Variants in ADGRB3 observed in about 807,000 individuals in gnomAD.
ADGRB3 encodes the protein brain-specific angiogenesis inhibitor 3.
Under a neutral mutation model 193.4 loss-of-function variants are expected in ADGRB3, and 37 were observed. The observed-to-expected ratio is 0.19, with a 90% CI of 0.15 to 0.25. The LOEUF is 0.25. ADGRB3 is among the 10% of genes least tolerant of loss of function. The pLI, the probability that ADGRB3 is intolerant of heterozygous loss-of-function variation, is 1.00. For missense variants in ADGRB3, 1,637 were observed against 1,852.9 expected (o/e 0.88, Z 2.14); for synonymous variants, 690 against 644.2 (o/e 1.07, Z -1.08).
chr6:68,676,070 G>A (rs1769078608), intron 3 of ADGRB3, among the ~76,000 whole-genome samples: 1 of 152,126 alleles, frequency 6.6e-6, no homozygotes, highest in Admixed American at 6.5e-5. Context: ...TACACAAAGT[G>A]CTTCAACTTA....
intron 3 of ADGRB3, among the ~76,000 whole-genome samples, chr6:68,793,052 TC>T (rs1767140512): frequency 6.6e-6 from 1 of 152,216 alleles, no homozygotes; most frequent in African/African-American, 2.4e-5. Flanking sequence ...TTTTTCATTT[TC>T]TTTATGTCAG....
intron 3 of ADGRB3, among the ~76,000 whole-genome samples, chr6:68,903,214 G>A (rs987732144): frequency 6.6e-6 from 1 of 152,086 alleles, no homozygotes; most frequent in African/African-American, 2.4e-5. Context: ...AACAGTCAAT[G>A]ACGGGACAAA....
intron 3 of ADGRB3, among the ~76,000 whole-genome samples, chr6:68,802,438 T>A (rs1369937155): frequency 6.6e-6 from 1 of 152,188 alleles, no homozygotes; most frequent in Non-Finnish European, 1.5e-5. Context: ...GTTTATTCAC[T>A]GGTGTGATGT....
rs1000420402 is a variant in ADGRB3 at position 69,011,815 on chromosome 6, T to G, written c.1930-2223T>G. Among the ~76,000 whole-genome samples the G allele has an allele frequency of 2.6e-5, 4 of 152,002 alleles. No individual in the cohort carries two copies. In the South Asian group the frequency reaches 8.3e-4, roughly 31 times the overall value. On this transcript the variant is annotated intron_variant, in intron 11 of 31. Transcript: ENST00000370598. ...TCACCATAAATGCTGCCCCACTGCT[T>G]GAGACATTCAGACTTAGCTCACTGT...
intron 12 of ADGRB3, among the ~76,000 whole-genome samples, chr6:69,017,922 A>G (rs993408047): frequency 2.0e-5 from 3 of 151,970 alleles, no homozygotes; most frequent in Non-Finnish European, 4.4e-5. Flanking sequence ...TTATTAAACA[A>G]TAAATGTTTC....
intron 21 of ADGRB3, among the ~76,000 whole-genome samples, chr6:69,325,988 G>T (rs1768559209): frequency 1.3e-5 from 2 of 151,700 alleles, no homozygotes; most frequent in African/African-American, 4.9e-5. Flanking sequence ...TGGACTACCT[G>T]AGCGTGGGTG....
chr6:69,328,221 G>A (rs1411215144), intron 22 of ADGRB3, among the ~76,000 whole-genome samples: 1 of 152,092 alleles, frequency 6.6e-6, no homozygotes, highest in African/African-American at 2.4e-5. Flanking sequence ...AGAACGTGGT[G>A]CTGCTATGAG....
chr6:68,778,804 C>T (rs552810118), intron 3 of ADGRB3, among the ~76,000 whole-genome samples: 2 of 152,142 alleles, frequency 1.3e-5, no homozygotes, highest in East Asian at 3.9e-4. Context: ...GCAGGATTGC[C>T]ATCTGGTGGA....
At position 69,173,521 on chromosome 6, in the gene ADGRB3, G is replaced by A. The variant is rs1350498520; in HGVS notation, c.2481-59769G>A. ...GAAAATTATTTGCAGTAGTCTAAAT[G>A]AGAAAGAATGGTAACTTGGAGTAAG... On this transcript the variant is annotated intron_variant, in intron 17 of 31. Coordinates refer to ENST00000370598, the MANE Select transcript of ADGRB3 (RefSeq NM_001704.3). Among the ~76,000 whole-genome samples the A allele has an allele frequency of 2.6e-5, 4 of 152,318 alleles. No homozygotes were observed. The East Asian group carries it at 7.7e-4, about 29-fold the overall frequency.
At position 69,030,896 on chromosome 6, in the gene ADGRB3, C is replaced by T. The variant is rs367653740; in HGVS notation, c.2107+12397C>T. 5.6e-5 allele frequency among the ~76,000 whole-genome samples: 8 copies of T among 143,604 alleles called. No individual in the cohort carries two copies. In the East Asian group the frequency reaches 5.8e-4, roughly 10 times the overall value. 94.2% of individuals were successfully genotyped at this position (143,604 alleles called of 152,430 possible). A position where few individuals can be genotyped will look rare whatever the true frequency, so the allele number is the denominator to read the frequency against. Reference sequence around the variant, plus strand: ...CTCTCAAGAATTCTAGAGTTTCTTACGAGTTAACACGTAGACTTAGCCACA... The same window carrying T: ...CTCTCAAGAATTCTAGAGTTTCTTATGAGTTAACACGTAGACTTAGCCACA... On this transcript the variant is annotated intron_variant, in intron 13 of 31. Coordinates refer to ENST00000370598, the MANE Select transcript of ADGRB3 (RefSeq NM_001704.3).
At position 68,671,436 on chromosome 6, in the gene ADGRB3, T is replaced by C. The variant is rs572131016; in HGVS notation, c.757+32004T>C. ...TGTGTTAAGGCATATTCCTTCTATCTCAAGTTTTCTGAGGGTTTTTATCAT... is the reference window on the plus strand; with the variant it reads ...TGTGTTAAGGCATATTCCTTCTATCCCAAGTTTTCTGAGGGTTTTTATCAT... On this transcript the variant is annotated intron_variant, in intron 3 of 31. Transcript: ENST00000370598. Among the ~76,000 whole-genome samples the C allele has an allele frequency of 5.3e-5, 8 of 152,032 alleles. No homozygotes were observed. The South Asian group carries it at 1.7e-3, about 32-fold the overall frequency.
At chr6:68,921,722 A>G (rs1269014619) in intron 3 of ADGRB3, among the ~76,000 whole-genome samples, 2 of 151,640 alleles carry the variant, frequency 1.3e-5, no homozygotes, top group Non-Finnish European at 2.9e-5. Flanking sequence ...AAATAATAAA[A>G]TATATAATAT....
At chr6:69,077,651 C>A (rs967278244) in intron 17 of ADGRB3, among the ~76,000 whole-genome samples, 2 of 151,948 alleles carry the variant, frequency 1.3e-5, no homozygotes, top group Non-Finnish European at 2.9e-5. Flanking sequence ...CTGAGGTTAG[C>A]ATTCACCTGA....
intron 3 of ADGRB3, among the ~76,000 whole-genome samples, chr6:68,745,407 A>G (rs1347077602): frequency 6.6e-6 from 1 of 152,204 alleles, no homozygotes; most frequent in Admixed American, 6.5e-5. Flanking sequence ...TTATAGCAAC[A>G]GAAACAATGG....
At chr6:69,002,611 A>C (rs951369907) in intron 11 of ADGRB3, among the ~76,000 whole-genome samples, 2 of 152,200 alleles carry the variant, frequency 1.3e-5, no homozygotes, top group Non-Finnish European at 2.9e-5. Flanking sequence ...TCACTTGGTG[A>C]AGACCTTGGA....
chr6:68,922,414 A>C (rs1767068806), intron 3 of ADGRB3, among the ~76,000 whole-genome samples: 1 of 152,238 alleles, frequency 6.6e-6, no homozygotes, highest in Admixed American at 6.5e-5. Flanking sequence ...TTTAATGCTT[A>C]GATGTGGATC....
At chr6:69,042,728 A>C (rs1771108569) in intron 13 of ADGRB3, among the ~76,000 whole-genome samples, 1 of 152,218 alleles carries the variant, frequency 6.6e-6, no homozygotes, top group Admixed American at 6.5e-5. Flanking sequence ...CATGTTTTCC[A>C]CAAGCAATTC....
intron 10 of ADGRB3, among the ~76,000 whole-genome samples, chr6:68,979,819 G>A (rs1293699654): frequency 6.6e-6 from 1 of 151,332 alleles, no homozygotes; most frequent in African/African-American, 2.4e-5. Flanking sequence ...TTTGGTATAT[G>A]TGAACAATCA....
intron 11 of ADGRB3, among the ~76,000 whole-genome samples, chr6:68,995,922 C>A (rs1769371598): frequency 6.6e-6 from 1 of 152,104 alleles, no homozygotes; most frequent in Non-Finnish European, 1.5e-5. Flanking sequence ...TATTCTACTT[C>A]CCACAATTTT....
Sources: gnomAD v4.1 joint callset for allele counts (sites outside exome capture counted in the v4.1 genomes callset) on GRCh38, gnomAD v4.1.1 for gene constraint, MANE v1.5 for transcripts, NCBI Gene and HGNC (gene_info 2026-07-23, HGNC 2026-07-21) for gene names.